The following NCOA6 variants were observed in gnomAD, a reference collection of about 807,000 sequenced individuals.
NCOA6 encodes the protein NRC RAP250.
In NCOA6, 49 loss-of-function variants were observed where a neutral mutation model predicts 171.4. The observed-to-expected ratio is 0.29, with a 90% confidence interval of 0.23 to 0.36. NCOA6 has a LOEUF of 0.36. Ranked by LOEUF, NCOA6 falls within the 10% of genes least tolerant of loss-of-function variation. The pLI is 1.00. For synonymous variants in NCOA6, 910 were observed against 927.5 expected, an observed-to-expected ratio of 0.98 and a Z score of 0.34; for missense variants, 2,248 against 2,554.5, an observed-to-expected ratio of 0.88 and a Z score of 2.59.
At chr20:34,722,052 C>G (rs1989413243) in intron 14 of NCOA6, among the ~76,000 whole-genome samples, 1 of 49,544 alleles carries the variant, frequency 2.0e-5, no homozygotes, top group African/African-American at 8.4e-5. Context: ...GAGACCCTGT[C>G]TCAAAAAAAA....
chr20:34,749,621 A>C lies in NCOA6; in HGVS notation c.2574T>G (p.Ser858Arg). The C allele has an allele frequency of 3.7e-6, 6 of 1,614,176 alleles. No individual in the cohort carries two copies. The highest frequency in any genetic ancestry group is 5.1e-6 in the Non-Finnish European group (6 of 1,180,032). Residue 858 changes from serine to arginine, a missense_variant, in exon 9 of 15, where the codon AGT (serine) becomes AGG (arginine). Ser to Arg is a moderately radical substitution (Grantham distance 110). Around this residue, in one of 7 missense-constraint regions of NCOA6, gnomAD observed 987 missense variants for 1,104.7 expected, o/e 0.89. Transcript: ENST00000359003. ...GHGMSFNAPF[S>R]GAPNGNQMSC... ...ACATCTGATTTCCATTGGGAGCTCC[A>C]CTGAAAGGTGCATTGAAAGACATCC...
At chr20:34,782,966 C>A (rs913713341) in intron 2 of NCOA6, among the ~76,000 whole-genome samples, 6 of 152,102 alleles carry the variant, frequency 3.9e-5, no homozygotes, top group African/African-American at 1.4e-4. Context: ...AATAATGATT[C>A]TGAAATAAAC....
Position 34,811,234 on chromosome 20 carries a change from T to TATATGTATATATATAC in NCOA6, c.-164+14237_-164+14238insGTATATATATACATAT, listed in dbSNP as rs1344933526. ...ATATATATATATATATATATATATA[T>TATATGTATATATATAC]ATGCTTTCAAAATGCATTTTACAAA... On this transcript the variant is annotated intron_variant, in intron 1 of 14. Coordinates refer to ENST00000359003, the MANE Select transcript of NCOA6 (RefSeq NM_014071.5). Among the ~76,000 whole-genome samples, 3 of 119,988 alleles carry TATATGTATATATATAC rather than the reference T, an allele frequency of 2.5e-5. No individual in the cohort carries two copies. In the South Asian group the frequency reaches 1.1e-3, roughly 44 times the overall value. The allele number at this position is 119,988 out of a possible 152,430, so 78.7% of individuals were successfully genotyped here.
intron 1 of NCOA6, among the ~76,000 whole-genome samples, chr20:34,794,712 T>C (rs1440404024): frequency 6.6e-6 from 1 of 152,090 alleles, no homozygotes; most frequent in East Asian, 1.9e-4. Flanking sequence ...AAAATGGTTA[T>C]CTTACAAGGT....
In NCOA6 at chr20:34,757,947, T is replaced by C. The variant is rs529966940; in HGVS notation, c.801A>G (p.Gln267=). ...FPQLQQQQQQ[Q]QQQQQQQQQQ... ...GCTGCTGCTGCTGCTGCTGCTGTTGTTGTTGTTGCTGCTGCTGCTGCAGCT... is the reference window on the plus strand; with the variant it reads ...GCTGCTGCTGCTGCTGCTGCTGTTGCTGTTGTTGCTGCTGCTGCTGCAGCT... The change falls in exon 7 of 15, where the codon CAA becomes CAG. Residue 267 remains glutamine (Q), a synonymous_variant. Transcript: ENST00000359003. 9 of 1,613,540 alleles carry C rather than the reference T, an allele frequency of 5.6e-6. No individual in the cohort carries two copies. In the African/African-American group the frequency reaches 6.7e-5, roughly 12 times the overall value.
rs777309438 is a variant in NCOA6 at position 34,776,388 on chromosome 20, T to C, written c.296A>G (p.Asn99Ser). The stretch of plus-strand genomic sequence containing the variant: ...CCGCTCCGCTGCTTCCCGGGGGATG[T>C]TGAATGTCACACGCACGCTGTTCCA... Reference protein sequence around the residue: ...EPWNSVRVTFNIPREAAERLR... With the variant: ...EPWNSVRVTFSIPREAAERLR... Residue 99 changes from asparagine (N) to serine (S), a missense_variant, in exon 4 of 15, where the codon AAC becomes AGC. Around this residue, in one of 7 missense-constraint regions of NCOA6, gnomAD observed 987 missense variants for 1,104.7 expected, o/e 0.89. Coordinates refer to ENST00000359003, the MANE Select transcript of NCOA6 (RefSeq NM_014071.5). 17 of 1,614,046 alleles carry C rather than the reference T, an allele frequency of 1.1e-5. No individual in the cohort carries two copies. Among genetic ancestry groups the C allele is most frequent in the Admixed American group, 3.3e-5 (2 of 59,996 alleles).
chr20:34,767,440 C>T (rs923884598), intron 5 of NCOA6, among the ~76,000 whole-genome samples: 44 of 152,062 alleles, frequency 2.9e-4, no homozygotes, highest in African/African-American at 9.9e-4. Context: ...GGATTACAGG[C>T]GCCTGCCACC....
chr20:34,746,472 C>T (rs181204610), intron 10 of NCOA6, among the ~76,000 whole-genome samples: 18 of 152,190 alleles, frequency 1.2e-4, no homozygotes, highest in African/African-American at 2.4e-4. Context: ...TGAACACTTG[C>T]GCTCAAGCGA....
At chr20:34,795,418 T>C (rs2078031488) in intron 1 of NCOA6, among the ~76,000 whole-genome samples, 1 of 152,266 alleles carries the variant, frequency 6.6e-6, no homozygotes, top group Non-Finnish European at 1.5e-5. Flanking sequence ...TAAGTTATGA[T>C]GTATTATTAC....
At chr20:34,774,993 A>G (rs2077262790) in intron 4 of NCOA6, among the ~76,000 whole-genome samples, 1 of 152,216 alleles carries the variant, frequency 6.6e-6, no homozygotes, top group Non-Finnish European at 1.5e-5. Context: ...TTCAGAAAAT[A>G]CATCCTCAAG....
intron 5 of NCOA6, among the ~76,000 whole-genome samples, chr20:34,765,084 G>C (rs1161870340): frequency 6.7e-6 from 1 of 150,332 alleles, no homozygotes; most frequent in East Asian, 2.0e-4. Context: ...TCATGCCACA[G>C]TACTCCAGCC....
intron 14 of NCOA6, among the ~76,000 whole-genome samples, chr20:34,718,609 A>G (rs145951904): frequency 0.012 from 1,898 of 151,930 alleles, 34 homozygotes; most frequent in African/African-American, 0.044. Flanking sequence ...GGGTTCAAGC[A>G]ATTCTCCTGC....
Position 34,740,799 on chromosome 20 carries a change from T to C in NCOA6, c.5457A>G (p.Lys1819=), listed in dbSNP as rs2076115477. ...SPVSSSKGKG[K]VDKIGQILLT... ...ACAAAATTTGGCCAATTTTGTCCAC[T>C]TTTCCTTTGCCCTTACTAGACGAGA... The change falls in exon 11 of 15, where the codon AAA becomes AAG. Residue 1819 remains lysine, a synonymous_variant. Coordinates refer to ENST00000359003, the MANE Select transcript of NCOA6 (RefSeq NM_014071.5). 3 of 1,614,126 alleles carry C rather than the reference T, an allele frequency of 1.9e-6. No homozygotes were observed. Among genetic ancestry groups the C allele is most frequent in the Admixed American group, 1.7e-5 (1 of 60,012 alleles).
intron 11 of NCOA6, among the ~76,000 whole-genome samples, chr20:34,739,093 A>G (rs2076050644): frequency 6.6e-6 from 1 of 152,174 alleles, no homozygotes; most frequent in African/African-American, 2.4e-5. Context: ...GAAGGGAAGG[A>G]GGGGCGGTTG....
Position 34,740,535 on chromosome 20 carries a change from G to A in NCOA6, c.5721C>T (p.Gly1907=), listed in dbSNP as rs546803381. The change falls in exon 11 of 15, where the codon GGC becomes GGT. Residue 1907 remains glycine (G), a synonymous_variant. Coordinates refer to ENST00000359003, the MANE Select transcript of NCOA6 (RefSeq NM_014071.5). ...AGCGTACACTGGTGGGGAGAGCACCGCCAGGTAAGCTGGGTCCTGCTGAGG... is the reference window on the plus strand; with the variant it reads ...AGCGTACACTGGTGGGGAGAGCACCACCAGGTAAGCTGGGTCCTGCTGAGG... ...GTASAGPSLP[G]GALPTSVRSI... The A allele has an allele frequency of 7.0e-5, 113 of 1,613,938 alleles. No homozygotes were observed. The highest frequency in any genetic ancestry group is 5.6e-4 in the South Asian group (51 of 91,078).
In NCOA6 at chr20:34,817,094, GC is replaced by G. The variant is rs528357973; in HGVS notation, c.-164+8377del. Among the ~76,000 whole-genome samples, 421 of 145,288 alleles carry G rather than the reference GC, an allele frequency of 2.9e-3. 4 individuals carry two copies. The highest frequency in any genetic ancestry group is 0.01 in the African/African-American group (395 of 38,516). ...GCCAAGATCTCACCACTGCACTCCA[GC>G]CTGGGCAACAGAGTGAGACTCCATC... On this transcript the variant is annotated intron_variant, in intron 1 of 14. Transcript: ENST00000359003.
intron 14 of NCOA6, among the ~76,000 whole-genome samples, chr20:34,724,791 CT>C (rs200702546): frequency 2.4e-3 from 344 of 142,574 alleles, no homozygotes; most frequent in Admixed American, 3.7e-3. Flanking sequence ...AAGACAGAGA[CT>C]TTTTTTTTTT....
intron 1 of NCOA6, chr20:34,819,783 T>C (rs968337506): frequency 6.6e-6 from 1 of 152,322 alleles, no homozygotes; most frequent in South Asian, 2.1e-4. Flanking sequence ...TTACACGTTA[T>C]GTATATTGAC....
chr20:34,739,150 G>A (rs993060504), intron 11 of NCOA6, among the ~76,000 whole-genome samples: 2 of 152,064 alleles, frequency 1.3e-5, no homozygotes, highest in Admixed American at 6.6e-5. Flanking sequence ...ACAGTACATA[G>A]GAAATAGCCT....
Sources: allele counts gnomAD v4.1 joint callset (sites outside exome capture counted in the v4.1 genomes callset), GRCh38; gene constraint gnomAD v4.1.1; regional missense constraint gnomAD v4.1.1; transcripts MANE v1.5; gene names NCBI Gene and HGNC (gene_info 2026-07-23, HGNC 2026-07-21).